Variants in RBFOX2 observed in about 807,000 individuals in gnomAD.
RBFOX2 encodes the protein RNA binding protein fox-1 homolog 2.
A neutral mutation model predicts 49.1 loss-of-function variants in RBFOX2; 10 were observed. The ratio of observed to expected loss-of-function variants is 0.20; its 90% CI spans 0.13 to 0.35. The LOEUF (loss-of-function observed/expected upper bound fraction) is 0.35. Among genes scored for constraint, RBFOX2 ranks in the 10% least tolerant of loss-of-function variants. The pLI, the probability that RBFOX2 is intolerant of heterozygous loss-of-function variation, is 1.00. For missense variants in RBFOX2, 323 were observed against 486.9 expected, an observed-to-expected ratio of 0.66 and a Z score of 3.17; for synonymous variants, 183 against 187.4, an observed-to-expected ratio of 0.98 and a Z score of 0.19.
exon 1 of RBFOX2, chr22:36,028,476 C>A (rs2059536998): frequency 1.8e-6 from 2 of 1,141,196 alleles, no homozygotes; most frequent in Admixed American, 9.8e-5. Context: ...CGACAGGCCA[C>A]CTCCCCCTGG....
Position 35,759,540 on chromosome 22 carries a change from C to T in RBFOX2, c.887+348G>A, listed in dbSNP as rs954516750. The stretch of plus-strand genomic sequence containing the variant: ...AGGCTTGTACTACAATCTTGAGCTC[C>T]TCTTTTGGTTCTCTGCAGTAATGTT... On this transcript the variant is annotated intron_variant, in intron 9 of 11. Coordinates refer to ENST00000405409, the Ensembl canonical transcript of RBFOX2. The surrounding 1 kb of genome is among the most constrained non-coding windows in gnomAD (Gnocchi z 4.6). 1.3e-5 allele frequency among the ~76,000 whole-genome samples: 2 copies of T among 152,152 alleles called. No individual in the cohort carries two copies. Among genetic ancestry groups the T allele is most frequent in the African/African-American group, 4.8e-5 (2 of 41,414 alleles).
At chr22:35,850,221 CACACACACACACA>C (rs2041775603) in intron 1 of RBFOX2, among the ~76,000 whole-genome samples, 1 of 151,576 alleles carries the variant, frequency 6.6e-6, no homozygotes, top group Admixed American at 6.6e-5. Flanking sequence ...CACACACACA[CACACACACACACA>C]CCCTTCTCAC....
chr22:35,838,219 T>C lies in RBFOX2; in HGVS notation c.27+1973A>G, dbSNP rs572539482. ...AAAGAGAATCCAGAAACAGGATTTA[T>C]CTTTTATGTAAATTTTTTTTAAAAA... On this transcript the variant is annotated intron_variant, in intron 1 of 11. Transcript: ENST00000405409. Among the ~76,000 whole-genome samples the C allele has an allele frequency of 2.0e-5, 3 of 152,012 alleles. No individual in the cohort carries two copies. In the East Asian group the frequency reaches 5.8e-4, roughly 29 times the overall value.
At chr22:35,938,874 A>G in exon 1 of RBFOX2, 1 of 1,614,036 alleles carries the variant, frequency 6.2e-7, no homozygotes, top group Non-Finnish European at 8.5e-7. Context: ...GGAATCCATG[A>G]TAACCTGGAG....
At chr22:35,883,422 A>G (rs1057452373) in intron 1 of RBFOX2, among the ~76,000 whole-genome samples, 5 of 152,232 alleles carry the variant, frequency 3.3e-5, no homozygotes, top group Non-Finnish European at 2.9e-5. Context: ...GTGTGACTGA[A>G]GAGGATGCTA....
intron 1 of RBFOX2, among the ~76,000 whole-genome samples, chr22:35,812,832 G>A (rs1952182336): frequency 6.6e-6 from 1 of 152,220 alleles, no homozygotes; most frequent in African/African-American, 2.4e-5. Flanking sequence ...CCAGCCTGCT[G>A]GGAATGAGAC....
At chr22:35,979,267 C>T (rs956736261) in intron 1 of RBFOX2, among the ~76,000 whole-genome samples, 7 of 152,222 alleles carry the variant, frequency 4.6e-5, no homozygotes, top group Non-Finnish European at 2.9e-5. Context: ...AGGTCTGAGG[C>T]GACATGCAAC....
intron 1 of RBFOX2, among the ~76,000 whole-genome samples, chr22:35,930,017 CTT>C (rs58976136): frequency 0.023 from 2,755 of 121,230 alleles, 35 homozygotes; most frequent in African/African-American, 0.087. Flanking sequence ...CTTAATAGAA[CTT>C]TTTTTTTTTT....
intron 9 of RBFOX2, among the ~76,000 whole-genome samples, chr22:35,753,733 T>G (rs1043963703): frequency 1.3e-5 from 2 of 149,300 alleles, no homozygotes; most frequent in East Asian, 1.9e-4. Context: ...TATTAAAAAA[T>G]TGGGTTGGTT....
intron 2 of RBFOX2, among the ~76,000 whole-genome samples, chr22:35,798,853 T>C (rs1949262562): frequency 6.6e-6 from 1 of 152,208 alleles, no homozygotes; most frequent in African/African-American, 2.4e-5. Context: ...AATAACATGC[T>C]ATGTCTCCTA....
intron 1 of RBFOX2, among the ~76,000 whole-genome samples, chr22:35,832,692 T>G (rs1349133928): frequency 5.3e-5 from 8 of 151,286 alleles, no homozygotes; most frequent in Non-Finnish European, 1.0e-4. Context: ...ATTAGCCAGG[T>G]GTGGTGGCAT....
chr22:35,923,185 C>T (rs1431816235), intron 1 of RBFOX2, among the ~76,000 whole-genome samples: 1 of 152,134 alleles, frequency 6.6e-6, no homozygotes, highest in Non-Finnish European at 1.5e-5. Context: ...AGGAAGTAAG[C>T]CTAAGGGAAG....
chr22:35,856,492 C>T (rs573174026), intron 1 of RBFOX2, among the ~76,000 whole-genome samples: 2 of 152,120 alleles, frequency 1.3e-5, no homozygotes, highest in African/African-American at 2.4e-5. Flanking sequence ...CAAAGATTGC[C>T]GAGATTTCTG....
At chr22:35,860,788 C>T (rs1439241492) in intron 1 of RBFOX2, among the ~76,000 whole-genome samples, 8 of 152,126 alleles carry the variant, frequency 5.3e-5, no homozygotes, top group African/African-American at 9.7e-5. Context: ...AATTAACATC[C>T]GAGAGAATTG....
At chr22:36,016,073 C>T (rs1000463422) in intron 1 of RBFOX2, among the ~76,000 whole-genome samples, 3 of 152,130 alleles carry the variant, frequency 2.0e-5, no homozygotes, top group Non-Finnish European at 1.5e-5. Flanking sequence ...TGTCTCAGAA[C>T]AAGCCACATA....
exon 12 of RBFOX2, chr22:35,744,189 G>C: frequency 1.2e-6 from 2 of 1,605,758 alleles, no homozygotes; most frequent in Non-Finnish European, 1.7e-6. Context: ...CCCATTTGCA[G>C]GGGTCTCACG....
intron 1 of RBFOX2, among the ~76,000 whole-genome samples, chr22:35,987,994 C>T (rs1395043515): frequency 6.6e-6 from 1 of 152,166 alleles, no homozygotes; most frequent in Non-Finnish European, 1.5e-5. Flanking sequence ...GTTGGGGCAA[C>T]AGTATTTTTC....
At chr22:35,871,115 A>G (rs868693500) in intron 1 of RBFOX2, among the ~76,000 whole-genome samples, 2 of 152,204 alleles carry the variant, frequency 1.3e-5, no homozygotes, top group South Asian at 2.1e-4. Context: ...CCCTTGAAAG[A>G]TATTCTAAAA....
chr22:35,994,281 A>T (rs995211976), intron 1 of RBFOX2: 2 of 152,050 alleles, frequency 1.3e-5, no homozygotes, highest in East Asian at 3.8e-4. Context: ...AACATACTCA[A>T]TATTTTAAAA....
Sources: allele counts gnomAD v4.1 joint callset (sites outside exome capture counted in the v4.1 genomes callset), GRCh38; gene constraint gnomAD v4.1.1; non-coding constraint Gnocchi (gnomAD v3.1); transcripts MANE v1.5; gene names NCBI Gene and HGNC (gene_info 2026-07-23, HGNC 2026-07-21).